The following CSRNP2 variants were observed in gnomAD, a reference collection of about 807,000 sequenced individuals.
The protein encoded by CSRNP2 is cysteine/serine-rich nuclear protein 2.
A neutral mutation model predicts 36.6 loss-of-function variants in CSRNP2; 11 were observed. The ratio of observed to expected loss-of-function variants is 0.30; its 90% CI spans 0.19 to 0.50. CSRNP2 has a LOEUF of 0.50. Among genes scored for constraint, CSRNP2 ranks in the 20% least tolerant of loss-of-function variants. CSRNP2 has a pLI of 0.98. For synonymous variants in CSRNP2, 248 were observed against 275.3 expected (o/e 0.90, Z 0.98); for missense variants, 483 against 691.4 (o/e 0.70, Z 3.38).
At chr12:51,075,767 G>C (rs990635278) in intron 2 of CSRNP2, among the ~76,000 whole-genome samples, 1 of 152,206 alleles carries the variant, frequency 6.6e-6, no homozygotes, top group Admixed American at 6.5e-5. Context: ...AAGAAAGCTT[G>C]GCCGGGCACA....
chr12:51,082,575 C>T (rs1277898188), intron 1 of CSRNP2: 1 of 152,190 alleles, frequency 6.6e-6, no homozygotes, highest in African/African-American at 2.4e-5. Context: ...GGGATAACTT[C>T]TAGCATTTCA....
chr12:51,083,124 C>T (rs1287839594), intron 1 of CSRNP2: 2 of 152,490 alleles, frequency 1.3e-5, no homozygotes, highest in African/African-American at 4.8e-5. Flanking sequence ...GGCCAGCGTC[C>T]TCGGTGCCCC....
intron 1 of CSRNP2, among the ~76,000 whole-genome samples, chr12:51,080,127 AGCAGGCAGGCAGGCAGGCAGGCAG>A (rs138392211): frequency 0.87 from 119,647 of 137,634 alleles, 52,983 homozygotes; most frequent in Non-Finnish European, 0.96. Context: ...GAAGAAGGCA[AGCAGGCAGGCAGGCAGGCAGGCAG>A]GCAGGCAGGC....
chr12:51,066,309 T>G (rs2136851635), intron 4 of CSRNP2, among the ~76,000 whole-genome samples: 1 of 151,356 alleles, frequency 6.6e-6, no homozygotes, highest in South Asian at 2.1e-4. Context: ...AAAAATTAGC[T>G]GGGTGTGGTG....
In CSRNP2 at chr12:51,076,432, G is replaced by C; in HGVS notation, c.130C>G (p.Pro44Ala). 1 of 1,614,116 alleles carries C rather than the reference G, an allele frequency of 6.2e-7. No homozygotes were observed. The highest frequency in any genetic ancestry group is 8.5e-7 in the Non-Finnish European group (1 of 1,180,018). The change falls in exon 2 of 5, where the codon CCT (proline) becomes GCT (alanine). Residue 44 changes from proline to alanine, a missense_variant. Pro to Ala is a conservative substitution (Grantham distance 27). Transcript: ENST00000228515. ...TCACGTGTGAAGCTGGCAGTGGTAG[G>C]AGGATTGAGGCTGTCGCAGCTGTCA... ...SADSCDSLNP[P>A]TTASFTPTSI...
In CSRNP2 at chr12:51,083,584, T is replaced by A. The variant is rs539333712; in HGVS notation, c.-332A>T. The A allele has an allele frequency of 1.3e-5, 2 of 152,236 alleles. No individual in the cohort carries two copies. The highest frequency in any genetic ancestry group is 1.3e-4 in the Admixed American group (2 of 15,284). The allele number at this position is 152,236 out of a possible 1,614,324, so 9.4% of individuals were successfully genotyped here. A position where few individuals can be genotyped will look rare whatever the true frequency, so the allele number is the denominator to read the frequency against. On this transcript the variant is annotated 5_prime_UTR_variant, in exon 1 of 5. Coordinates refer to ENST00000228515, the MANE Select transcript of CSRNP2 (RefSeq NM_030809.3). ...AGCAGACGCCCAGAACCGCCCCGGC[T>A]CCGGCTAACAATAGGATCCGGCCGC... is the stretch of plus-strand genomic sequence containing the variant.
chr12:51,064,515 G>C lies in CSRNP2; in HGVS notation c.863C>G (p.Ala288Gly). Reference sequence around the variant, plus strand: ...CGGGGAGGGCTCCTCATCTGGGGCTGCTGGGCGGCTCACCTGCCGCTTGCT... The same window carrying C: ...CGGGGAGGGCTCCTCATCTGGGGCTCCTGGGCGGCTCACCTGCCGCTTGCT... ...LESKRQVSRP[A>G]APDEEPSPTA... Residue 288 changes from alanine (A) to glycine (G), a missense_variant, in exon 5 of 5, where the codon GCA becomes GGA. By Grantham distance (60) the Ala-to-Gly change is moderately conservative (BLOSUM62 0). This residue lies in a region of CSRNP2 where 277 missense variants were observed against 323.6 expected (regional missense o/e 0.86). Coordinates refer to ENST00000228515, the MANE Select transcript of CSRNP2 (RefSeq NM_030809.3). 6.2e-7 allele frequency: 1 copy of C among 1,612,970 alleles called. No individual in the cohort carries two copies. Among genetic ancestry groups the C allele is most frequent in the Non-Finnish European group, 8.5e-7 (1 of 1,179,406 alleles).
At chr12:51,076,801 T>C in intron 1 of CSRNP2, 154 bp from the exon 2 acceptor site, 1 of 481,426 alleles carries the variant, frequency 2.1e-6, no homozygotes, top group Non-Finnish European at 3.8e-6. Flanking sequence ...GCCAACATTC[T>C]CCTACTTTCG....
intron 2 of CSRNP2, among the ~76,000 whole-genome samples, chr12:51,075,527 T>C (rs1939359997): frequency 6.6e-6 from 1 of 152,218 alleles, no homozygotes; most frequent in Non-Finnish European, 1.5e-5. Context: ...CATTGATCTG[T>C]AGCAGGGGAC....
At chr12:51,081,333 A>G (rs1592774714) in intron 1 of CSRNP2, 1 of 152,334 alleles carries the variant, frequency 6.6e-6, no homozygotes, top group East Asian at 1.9e-4. Context: ...AAAAAAATAA[A>G]TCTTTCTTTG....
At chr12:51,069,891 G>T (rs990353799) in intron 3 of CSRNP2, among the ~76,000 whole-genome samples, 3 of 151,600 alleles carry the variant, frequency 2.0e-5, no homozygotes, top group Non-Finnish European at 2.9e-5. Flanking sequence ...TAGTAGAGAC[G>T]GGGTTTCACT....
At chr12:51,079,176 G>A (rs1468525382) in intron 1 of CSRNP2, among the ~76,000 whole-genome samples, 1 of 152,000 alleles carries the variant, frequency 6.6e-6, no homozygotes, top group African/African-American at 2.4e-5. Flanking sequence ...TGAACAATGA[G>A]AACACATGGA....
intron 3 of CSRNP2, among the ~76,000 whole-genome samples, chr12:51,069,689 TTTC>T (rs1037843281): frequency 6.7e-6 from 1 of 148,448 alleles, no homozygotes; most frequent in African/African-American, 2.6e-5. Flanking sequence ...GGTTTTTTTT[TTTC>T]TTTTTTTTCT....
chr12:51,066,149 GTC>G (rs1049790246), intron 4 of CSRNP2, among the ~76,000 whole-genome samples: 20 of 151,940 alleles, frequency 1.3e-4, no homozygotes, highest in African/African-American at 4.8e-4. Context: ...ATGAAACCCT[GTC>G]TCTACTAAAA....
At chr12:51,070,204 C>G (rs1358158961) in intron 3 of CSRNP2, among the ~76,000 whole-genome samples, 1 of 152,162 alleles carries the variant, frequency 6.6e-6, no homozygotes, top group Non-Finnish European at 1.5e-5. Flanking sequence ...ATCAGACAAC[C>G]AGAGTAGAGC....
chr12:51,072,325 T>A (rs563007856), intron 3 of CSRNP2, among the ~76,000 whole-genome samples: 3 of 151,748 alleles, frequency 2.0e-5, no homozygotes, highest in African/African-American at 7.3e-5. Context: ...TTTGTGAGGC[T>A]GAGGTGGGCA....
Position 51,064,672 on chromosome 12 carries a change from G to A in CSRNP2, c.709-3C>T, listed in dbSNP as rs148790966. ...CATGGAAAGGACATGCGATCCACCTGAGCGGGGACAAGAAGGTTGGGGCAA... is the reference window on the plus strand; with the variant it reads ...CATGGAAAGGACATGCGATCCACCTAAGCGGGGACAAGAAGGTTGGGGCAA... On this transcript the variant is annotated splice_polypyrimidine_tract_variant and splice_region_variant and intron_variant, in intron 4 of 4. Transcript: ENST00000228515. 4.2e-4 allele frequency: 638 copies of A among 1,509,254 alleles called. 5 individuals carry two copies. The East Asian group carries it at 0.012, about 27-fold the overall frequency. The allele number at this position is 1,509,254 out of a possible 1,614,324, so 93.5% of individuals were successfully genotyped here. A position where few individuals can be genotyped will look rare whatever the true frequency, so the allele number is the denominator to read the frequency against.
At chr12:51,080,440 C>T (rs141925851) in intron 1 of CSRNP2, among the ~76,000 whole-genome samples, 4 of 152,254 alleles carry the variant, frequency 2.6e-5, no homozygotes, top group African/African-American at 9.6e-5. Context: ...TTGCTGGCTG[C>T]TTGTTCTATT....
At chr12:51,069,979 C>T (rs1938950113) in intron 3 of CSRNP2, among the ~76,000 whole-genome samples, 1 of 152,084 alleles carries the variant, frequency 6.6e-6, no homozygotes, top group Admixed American at 6.5e-5. Context: ...GGATTACAGG[C>T]GTGAGCCACC....
Sources: allele counts gnomAD v4.1 joint callset (sites outside exome capture counted in the v4.1 genomes callset), GRCh38; gene constraint gnomAD v4.1.1; regional missense constraint gnomAD v4.1.1; transcripts MANE v1.5; gene names NCBI Gene and HGNC (gene_info 2026-07-23, HGNC 2026-07-21).